The following TNFRSF6B variants were observed in gnomAD, a reference collection of about 807,000 sequenced individuals.
TNFRSF6B encodes the protein tumor necrosis factor receptor superfamily member 6B.
In TNFRSF6B, 23 loss-of-function variants were observed where a neutral mutation model predicts 17.9. That is an observed-to-expected ratio of 1.28 (90% CI 0.92 to 1.82). TNFRSF6B has a LOEUF of 1.82. Ranked by LOEUF, TNFRSF6B falls within the 40% of genes most tolerant of loss-of-function variation. The pLI, the probability that TNFRSF6B is intolerant of heterozygous loss-of-function variation, is 0.00. For synonymous variants in TNFRSF6B, 291 were observed against 195.8 expected (o/e 1.49, Z -4.06); for missense variants, 555 against 437.2 (o/e 1.27, Z -2.40).
rs1284562899 is a variant in TNFRSF6B at position 63,698,521 on chromosome 20, G to C, written c.861G>C (p.Gly287=). Residue 287 remains glycine, a synonymous_variant, in exon 3 of 3, where the codon GGG becomes GGC. Coordinates refer to ENST00000369996, the MANE Select transcript of TNFRSF6B (RefSeq NM_003823.4). The part of the protein sequence containing the change: ...LQALRVARMP[G]LERSVRERFL... ...CGCTGCGCGTGGCCAGGATGCCCGG[G>C]CTGGAGCGGAGCGTCCGTGAGCGCT... is the stretch of plus-strand genomic sequence containing the variant. 2 of 1,549,702 alleles carry C rather than the reference G, an allele frequency of 1.3e-6. No individual in the cohort carries two copies. The highest frequency in any genetic ancestry group is 1.7e-6 in the Non-Finnish European group (2 of 1,156,724).
Position 63,697,434 on chromosome 20 carries a change from G to A in TNFRSF6B, c.531G>A (p.Leu177=). The A allele has an allele frequency of 1.2e-6, 2 of 1,605,990 alleles. No individual in the cohort carries two copies. Among genetic ancestry groups the A allele is most frequent in the Admixed American group, 1.7e-5 (1 of 58,810 alleles). ...QCQPHRNCTA[L]GLALNVPGSS... ...AGCCCCACCGCAACTGCACGGCCCT[G>A]GGCCTGGCCCTCAATGTGCCAGGCT... Residue 177 remains leucine, a synonymous_variant, in exon 2 of 3, where the codon CTG becomes CTA. Coordinates refer to ENST00000369996, the MANE Select transcript of TNFRSF6B (RefSeq NM_003823.4).
chr20:63,698,395 AC>A lies in TNFRSF6B; in HGVS notation c.737del (p.Pro246GlnfsTer10). 1 of 1,602,034 alleles carries A rather than the reference AC, an allele frequency of 6.2e-7. No individual in the cohort carries two copies. Among genetic ancestry groups the A allele is most frequent in the Non-Finnish European group, 8.5e-7 (1 of 1,175,946 alleles). On this transcript the variant is annotated frameshift_variant, in exon 3 of 3. Transcript: ENST00000369996. LOFTEE classifies it low-confidence loss of function (END_TRUNC). ...AGGCCCCGGAGGGCTGGGGTCCGAC[AC>A]CAAGGGCGGGCCGCGCGGCCTTGCA... ...LEAPEGWGPT[P>X]RAGRAALQLK...
In TNFRSF6B at chr20:63,696,762, A is replaced by T. The variant is rs758568327; in HGVS notation, c.-6A>T. ...GAGCCGCGCTCTCCCTGCTCCAGCAAGGACCATGAGGGCGCTGGAGGGGCC... is the reference window on the plus strand; with the variant it reads ...GAGCCGCGCTCTCCCTGCTCCAGCATGGACCATGAGGGCGCTGGAGGGGCC... On this transcript the variant is annotated 5_prime_UTR_variant, in exon 1 of 3. In the 5' UTR this introduces an upstream ATG that the reference lacks. Transcript: ENST00000369996. 6.4e-7 allele frequency: 1 copy of T among 1,571,942 alleles called. No individual in the cohort carries two copies. The highest frequency in any genetic ancestry group is 2.3e-5 in the East Asian group (1 of 44,188).
rs1490506414 is a variant in TNFRSF6B, at chr20:63,696,844, C to G, written c.77C>G (p.Ala26Gly). ...CTGCCTGCCCTGCTGCCGGTGCCGG[C>G]TGTACGCGGAGTGGCAGAAACACCC... The part of the protein sequence containing the change: ...LALPALLPVP[A>G]VRGVAETPTY... The change falls in exon 1 of 3, where the codon GCT becomes GGT. Residue 26 changes from alanine (A) to glycine (G), a missense_variant. Coordinates refer to ENST00000369996, the MANE Select transcript of TNFRSF6B (RefSeq NM_003823.4). 1 of 1,611,216 alleles carries G rather than the reference C, an allele frequency of 6.2e-7. No homozygotes were observed. The highest frequency in any genetic ancestry group is 8.5e-7 in the Non-Finnish European group (1 of 1,179,394).
chr20:63,698,266 C>A lies in TNFRSF6B; in HGVS notation c.620-14C>A. On this transcript the variant is annotated splice_polypyrimidine_tract_variant and intron_variant, in intron 2 of 2. Coordinates refer to ENST00000369996, the MANE Select transcript of TNFRSF6B (RefSeq NM_003823.4). ...GTGAAATGATCGGACCGCTGCCTCC[C>A]CACCCCACTGCAGGAGCTGAGGAGT... The A allele has an allele frequency of 1.2e-6, 2 of 1,609,094 alleles. No individual in the cohort carries two copies. The highest frequency in any genetic ancestry group is 1.1e-5 in the South Asian group (1 of 90,872).
intron 2 of TNFRSF6B, 124 bp from the exon 3 acceptor site, chr20:63,698,156 C>G: frequency 7.8e-7 from 1 of 1,285,550 alleles, no homozygotes; most frequent in South Asian, 1.5e-5. Context: ...GCACGGCTCA[C>G]TGCACAGGGA....
rs765459629 is a variant in TNFRSF6B, at chr20:63,697,356, G to A, written c.453G>A (p.Gln151=). 1 of 1,592,768 alleles carries A rather than the reference G, an allele frequency of 6.3e-7. No individual in the cohort carries two copies. The highest frequency in any genetic ancestry group is 1.1e-5 in the South Asian group (1 of 88,454). The change falls in exon 2 of 3, where the codon CAG becomes CAA. Residue 151 remains glutamine, a synonymous_variant. Coordinates refer to ENST00000369996, the MANE Select transcript of TNFRSF6B (RefSeq NM_003823.4). Reference sequence around the variant, plus strand: ...CCCCCAGCCAGAACACGCAGTGCCAGCCGTGCCCCCCAGGCACCTTCTCAG... The same window carrying A: ...CCCCCAGCCAGAACACGCAGTGCCAACCGTGCCCCCCAGGCACCTTCTCAG... ...PGTPSQNTQC[Q]PCPPGTFSAS...
chr20:63,697,349 A>AGTGCCAGCC lies in TNFRSF6B; in HGVS notation c.452_460dup (p.Gln151_Cys153dup). 2 of 1,581,418 alleles carry AGTGCCAGCC rather than the reference A, an allele frequency of 1.3e-6. No individual in the cohort carries two copies. The highest frequency in any genetic ancestry group is 1.7e-6 in the Non-Finnish European group (2 of 1,168,156). ...GCAGGCACCCCCAGCCAGAACACGC[A>AGTGCCAGCC]GTGCCAGCCGTGCCCCCCAGGCACC... On this transcript the variant is annotated inframe_insertion, in exon 2 of 3. Coordinates refer to ENST00000369996, the MANE Select transcript of TNFRSF6B (RefSeq NM_003823.4).
intron 2 of TNFRSF6B, among the ~76,000 whole-genome samples, chr20:63,697,840 C>T (rs998394789): frequency 3.9e-5 from 6 of 152,112 alleles, no homozygotes; most frequent in African/African-American, 7.2e-5. Context: ...GATGGTAACT[C>T]TCCTAACTGC....
At chr20:63,697,691 C>T (rs1364832219) in intron 2 of TNFRSF6B, among the ~76,000 whole-genome samples, 169 bp downstream of exon 2, 1 of 152,172 alleles carries the variant, frequency 6.6e-6, no homozygotes, top group Admixed American at 6.5e-5. Context: ...ACCAAGTCTG[C>T]CCTCTCAGGG....
rs111453181 is a variant in TNFRSF6B, at chr20:63,697,310, C to T, written c.425-18C>T. 5 of 1,606,608 alleles carry T rather than the reference C, an allele frequency of 3.1e-6. No individual in the cohort carries two copies. Among genetic ancestry groups the T allele is most frequent in the African/African-American group, 1.3e-5 (1 of 74,898 alleles). ...GGACACCAGTTCCCCTGACCCTGTTCTTCCCTCCTGGCTGCAGGCACCCCC... is the reference window on the plus strand; with the variant it reads ...GGACACCAGTTCCCCTGACCCTGTTTTTCCCTCCTGGCTGCAGGCACCCCC... On this transcript the variant is annotated intron_variant, in intron 1 of 2. Transcript: ENST00000369996.
At chr20:63,697,252 A>AG in intron 1 of TNFRSF6B, 61 bp downstream of exon 1, 3 of 1,549,042 alleles carry the variant, frequency 1.9e-6, no homozygotes, top group Non-Finnish European at 2.6e-6. Context: ...GGCAGGGGTC[A>AG]GGTTGCTGGT....
chr20:63,696,763 G>A lies in TNFRSF6B; in HGVS notation c.-5G>A, dbSNP rs1337446092. The A allele has an allele frequency of 1.3e-6, 2 of 1,572,928 alleles. No individual in the cohort carries two copies. Among genetic ancestry groups the A allele is most frequent in the Non-Finnish European group, 1.7e-6 (2 of 1,158,012 alleles). On this transcript the variant is annotated 5_prime_UTR_variant, in exon 1 of 3. Transcript: ENST00000369996. Reference sequence around the variant, plus strand: ...AGCCGCGCTCTCCCTGCTCCAGCAAGGACCATGAGGGCGCTGGAGGGGCCA... The same window carrying A: ...AGCCGCGCTCTCCCTGCTCCAGCAAAGACCATGAGGGCGCTGGAGGGGCCA...
At chr20:63,697,299 C>G (rs2091003498) in intron 1 of TNFRSF6B, 29 bp from the exon 2 acceptor site, 5 of 1,598,780 alleles carry the variant, frequency 3.1e-6, no homozygotes, top group Non-Finnish European at 4.3e-6. Context: ...ACCAGTTCCC[C>G]TGACCCTGTT....
rs752764747 is a variant in TNFRSF6B, at chr20:63,698,481, T to C, written c.821T>C (p.Val274Ala). 7 of 1,550,168 alleles carry C rather than the reference T, an allele frequency of 4.5e-6. No homozygotes were observed. The highest frequency in any genetic ancestry group is 6.1e-6 in the Non-Finnish European group (7 of 1,156,516). ...GGGGCGCAGGACGGGGCGCTGCTGG[T>C]GCGGCTGCTGCAGGCGCTGCGCGTG... ...LLGAQDGALL[V>A]RLLQALRVAR... The change falls in exon 3 of 3, where the codon GTG becomes GCG. Residue 274 changes from valine (V) to alanine (A), a missense_variant. By Grantham distance (64) the Val-to-Ala change is moderately conservative. Transcript: ENST00000369996.
Position 63,696,950 on chromosome 20 carries a change from G to A in TNFRSF6B, c.183G>A (p.Pro61=), listed in dbSNP as rs538491653. 1.1e-4 allele frequency: 170 copies of A among 1,605,106 alleles called. No individual in the cohort carries two copies. The highest frequency in any genetic ancestry group is 5.4e-4 in the East Asian group (24 of 44,464). The change falls in exon 1 of 3, where the codon CCG becomes CCA. Residue 61 remains proline (P), a synonymous_variant. Coordinates refer to ENST00000369996, the MANE Select transcript of TNFRSF6B (RefSeq NM_003823.4). ...QCPPGTFVQR[P]CRRDSPTTCG... ...CCCCAGGCACCTTTGTGCAGCGGCC[G>A]TGCCGCCGAGACAGCCCCACGACGT...
Position 63,696,875 on chromosome 20 carries a change from C to G in TNFRSF6B, c.108C>G (p.Tyr36Ter). The G allele has an allele frequency of 6.2e-7, 1 of 1,611,808 alleles. No individual in the cohort carries two copies. Among genetic ancestry groups the G allele is most frequent in the Non-Finnish European group, 8.5e-7 (1 of 1,179,494 alleles). ...AVRGVAETPT[Y>*]PWRDAETGER... ...GCGGAGTGGCAGAAACACCCACCTA[C>G]CCCTGGCGGGACGCAGAGACAGGGG... Residue 36 changes from tyrosine (Y) to a stop codon, truncating the protein, a stop_gained, in exon 1 of 3, where the codon TAC (tyrosine) becomes TAG (stop). Transcript: ENST00000369996. LOFTEE classifies it high-confidence loss of function.
At position 63,696,817 on chromosome 20, in the gene TNFRSF6B, C is replaced by CGCTGCCTGCCCT. The variant is rs1568729510; in HGVS notation, c.57_68dup (p.Ala20_Pro23dup). 6.2e-7 allele frequency: 1 copy of CGCTGCCTGCCCT among 1,608,712 alleles called. No individual in the cohort carries two copies. Reference sequence around the variant, plus strand: ...CTGTCGCTGCTGTGCCTGGTGTTGGCGCTGCCTGCCCTGCTGCCGGTGCCG... The same window carrying CGCTGCCTGCCCT: ...CTGTCGCTGCTGTGCCTGGTGTTGGCGCTGCCTGCCCTGCTGCCTGCCCTGCTGCCGGTGCCG... On this transcript the variant is annotated inframe_insertion, in exon 1 of 3. Coordinates refer to ENST00000369996, the MANE Select transcript of TNFRSF6B (RefSeq NM_003823.4).
Position 63,698,582 on chromosome 20 carries a change from T to A in TNFRSF6B, c.*19T>A. ...GCACTGATCCTGGCCCCCTCTTATT[T>A]ATTCTACATCCTTGGCACCCCACTT... On this transcript the variant is annotated 3_prime_UTR_variant, in exon 3 of 3. Coordinates refer to ENST00000369996, the MANE Select transcript of TNFRSF6B (RefSeq NM_003823.4). The A allele has an allele frequency of 3.4e-6, 5 of 1,471,756 alleles. No homozygotes were observed. Among genetic ancestry groups the A allele is most frequent in the Non-Finnish European group, 4.5e-6 (5 of 1,115,658 alleles). The allele number at this position is 1,471,756 out of a possible 1,614,324, so 91.2% of individuals were successfully genotyped here. A position where few individuals can be genotyped will look rare whatever the true frequency, so the allele number is the denominator to read the frequency against.
Sources: gnomAD v4.1 joint callset for allele counts (sites outside exome capture counted in the v4.1 genomes callset) on GRCh38, gnomAD v4.1.1 for gene constraint, MANE v1.5 for transcripts, NCBI Gene and HGNC (gene_info 2026-07-23, HGNC 2026-07-21) for gene names.